Variants in TRPM6 observed in about 807,000 individuals in gnomAD.
TRPM6 encodes channel kinase 2.
Under a neutral mutation model 247.6 loss-of-function variants are expected in TRPM6, and 111 were observed. That is an observed-to-expected ratio of 0.45 (90% CI 0.38 to 0.52). The LOEUF (loss-of-function observed/expected upper bound fraction) is 0.52, where lower values mean the gene tolerates loss of function less well. Ranked by LOEUF, TRPM6 falls within the 20% of genes least tolerant of loss-of-function variation. TRPM6 has a pLI of 0.00. For missense variants in TRPM6, 2,126 were observed against 2,421.5 expected (o/e 0.88, Z 2.56); for synonymous variants, 892 against 853.8 (o/e 1.04, Z -0.78).
chr9:74,812,458 AT>A, intron 11 of TRPM6, 25 bp from the exon 12 acceptor site: 1 of 1,606,576 alleles, frequency 6.2e-7, no homozygotes, highest in Non-Finnish European at 8.5e-7. Flanking sequence ...AATAAGAAAT[AT>A]AAAGACAATT....
At chr9:74,841,012 TTTAAA>T (rs1829920507) in intron 4 of TRPM6, among the ~76,000 whole-genome samples, 1 of 152,174 alleles carries the variant, frequency 6.6e-6, no homozygotes, top group South Asian at 2.1e-4. Context: ...ATTTGCATAA[TTTAAA>T]TTAAGATTCT....
In TRPM6 at chr9:74,800,287, C is replaced by A. The variant is rs2118998970; in HGVS notation, c.2205G>T (p.Gly735=). Residue 735 remains glycine, a synonymous_variant, in exon 17 of 39, where the codon GGG becomes GGT. Transcript: ENST00000360774. Reference sequence around the variant, plus strand: ...AAGAGTTTTTCCTCATTTTCAGCCTCCCCATCCACATGTCTGTCAGTAGCA... The same window carrying A: ...AAGAGTTTTTCCTCATTTTCAGCCTACCCATCCACATGTCTGTCAGTAGCA... ...TQMLLTDMWM[G]RLKMRKNSWL... 6.2e-7 allele frequency: 1 copy of A among 1,614,198 alleles called. No individual in the cohort carries two copies. Among genetic ancestry groups the A allele is most frequent in the East Asian group, 2.2e-5 (1 of 44,888 alleles).
At chr9:74,836,388 A>G (rs1456863480) in intron 5 of TRPM6, among the ~76,000 whole-genome samples, 1 of 152,134 alleles carries the variant, frequency 6.6e-6, no homozygotes, top group Non-Finnish European at 1.5e-5. Context: ...TTAGCAGCTA[A>G]ATCACTTCCT....
Position 74,776,056 on chromosome 9 carries a change from T to C in TRPM6, c.3230A>G (p.Glu1077Gly). ...AFFNNVYLDM[E>G]SISNNLWKYN... ...TTTCCACAGGTTATTTGAAATGGAT[T>C]CCATATCTAAGTAAACGTTGCTGTA... Residue 1077 changes from glutamate to glycine, a missense_variant, in exon 24 of 39, where the codon GAA (glutamate) becomes GGA (glycine). Glu to Gly is a moderately conservative substitution (Grantham distance 98, BLOSUM62 -2). This residue lies in a region of TRPM6 where 1,082 missense variants were observed against 1,307.9 expected (regional missense o/e 0.83). Transcript: ENST00000360774. The C allele has an allele frequency of 6.2e-7, 1 of 1,613,870 alleles. No individual in the cohort carries two copies. The highest frequency in any genetic ancestry group is 8.5e-7 in the Non-Finnish European group (1 of 1,179,868).
At chr9:74,797,756 A>G (rs1437905235) in intron 17 of TRPM6, among the ~76,000 whole-genome samples, 1 of 152,204 alleles carries the variant, frequency 6.6e-6, no homozygotes, top group Non-Finnish European at 1.5e-5. Flanking sequence ...GTAATTATTT[A>G]TCTCTAGGAG....
chr9:74,771,486 T>G (rs1355065115), intron 25 of TRPM6, among the ~76,000 whole-genome samples: 1 of 152,246 alleles, frequency 6.6e-6, no homozygotes, highest in African/African-American at 2.4e-5. Flanking sequence ...TTATGTCTTA[T>G]TAACCACTTA....
At position 74,803,905 on chromosome 9, in the gene TRPM6, A is replaced by G. The variant is rs1157880868; in HGVS notation, c.1639-19T>C. On this transcript the variant is annotated intron_variant, in intron 14 of 38. Coordinates refer to ENST00000360774, the MANE Select transcript of TRPM6 (RefSeq NM_017662.5). Reference sequence around the variant, plus strand: ...TCTGGTGCTGGGAAAGGTTTTGAACAAAGCTGGTCACTCTCTGGCACGTTA... The same window carrying G: ...TCTGGTGCTGGGAAAGGTTTTGAACGAAGCTGGTCACTCTCTGGCACGTTA... The G allele has an allele frequency of 6.7e-7, 1 of 1,490,902 alleles. No homozygotes were observed. Among genetic ancestry groups the G allele is most frequent in the East Asian group, 2.3e-5 (1 of 44,298 alleles). 92.4% of individuals were successfully genotyped at this position (1,490,902 alleles called of 1,614,324 possible).
At chr9:74,795,230 C>A (rs1447779168) in intron 18 of TRPM6, among the ~76,000 whole-genome samples, 1 of 152,142 alleles carries the variant, frequency 6.6e-6, no homozygotes, top group Admixed American at 6.5e-5. Flanking sequence ...CCTGGCCTAC[C>A]CTGCTTCCAG....
At chr9:74,885,121 C>G (rs1017845371) in intron 1 of TRPM6, among the ~76,000 whole-genome samples, 6 of 152,138 alleles carry the variant, frequency 3.9e-5, no homozygotes, top group Non-Finnish European at 7.4e-5. Context: ...GAAAACTTTG[C>G]AAACACAGAG....
chr9:74,866,937 T>C (rs1830863378), intron 1 of TRPM6, among the ~76,000 whole-genome samples: 2 of 152,238 alleles, frequency 1.3e-5, no homozygotes, highest in Admixed American at 1.3e-4. Context: ...AACTGAGACA[T>C]TTAAAAATAT....
At chr9:74,838,862 C>A (rs1212959377) in intron 5 of TRPM6, among the ~76,000 whole-genome samples, 1 of 152,066 alleles carries the variant, frequency 6.6e-6, no homozygotes, top group African/African-American at 2.4e-5. Context: ...GTAATCCCAG[C>A]ACTTTGGGAG....
chr9:74,771,799 T>G lies in TRPM6; in HGVS notation c.3440A>C (p.His1147Pro), dbSNP rs1827052681. The G allele has an allele frequency of 6.2e-7, 1 of 1,613,782 alleles. No homozygotes were observed. Among genetic ancestry groups the G allele is most frequent in the Non-Finnish European group, 8.5e-7 (1 of 1,179,884 alleles). The change falls in exon 25 of 39, where the codon CAT becomes CCT. Residue 1147 changes from histidine to proline, a missense_variant. Physicochemically the swap from His to Pro is moderately conservative, Grantham distance 77. Transcript: ENST00000360774. ...TTCCACGCACTGCTCCTCAAAATCA[T>G]GAAGTTTTTTCAGATCCTCCTTACT... ...YLSKEDLKKL[H>P]DFEEQCVEKY...
intron 14 of TRPM6, among the ~76,000 whole-genome samples, chr9:74,805,443 C>T (rs1437823910): frequency 6.6e-6 from 1 of 152,130 alleles, no homozygotes; most frequent in Admixed American, 6.5e-5. Flanking sequence ...GAAATTACTC[C>T]CTCATTACTG....
intron 1 of TRPM6, among the ~76,000 whole-genome samples, chr9:74,861,488 C>G (rs1179591779): frequency 1.3e-5 from 2 of 152,040 alleles, no homozygotes; most frequent in Non-Finnish European, 2.9e-5. Flanking sequence ...AATGTAGAAG[C>G]CTGTATAGAC....
At chr9:74,873,065 G>C (rs955709146) in intron 1 of TRPM6, among the ~76,000 whole-genome samples, 6 of 152,112 alleles carry the variant, frequency 3.9e-5, no homozygotes, top group South Asian at 4.2e-4. Context: ...GGGTGCTCCA[G>C]CTCCTACCTG....
chr9:74,804,357 G>C (rs1028519708), intron 14 of TRPM6: 1 of 460,944 alleles, frequency 2.2e-6, no homozygotes, highest in African/African-American at 2.0e-5. Context: ...AACTCCAGTG[G>C]CCAGGCCCAA....
chr9:74,800,904 GTTT>G (rs773826827), intron 16 of TRPM6, among the ~76,000 whole-genome samples: 1 of 110,514 alleles, frequency 9.0e-6, no homozygotes. Flanking sequence ...AATAAAGTGT[GTTT>G]TTTTTTTTTT....
In TRPM6 at chr9:74,827,840, C is replaced by A. The variant is rs1829394472; in HGVS notation, c.779G>T (p.Gly260Val). 1 of 1,613,986 alleles carries A rather than the reference C, an allele frequency of 6.2e-7. No homozygotes were observed. The highest frequency in any genetic ancestry group is 8.5e-7 in the Non-Finnish European group (1 of 1,180,026). Residue 260 changes from glycine to valine, a missense_variant, in exon 7 of 39, where the codon GGA becomes GTA. By Grantham distance (109) the Gly-to-Val change is moderately radical. Coordinates refer to ENST00000360774, the MANE Select transcript of TRPM6 (RefSeq NM_017662.5). ...LSDDGTVGKY[G>V]NEMKLRRNLE... Reference sequence around the variant, plus strand: ...GTTCCTTCTGAGCTTCATTTCATTTCCATACTTGCCCACGGTCCCATCATC... The same window carrying A: ...GTTCCTTCTGAGCTTCATTTCATTTACATACTTGCCCACGGTCCCATCATC...
chr9:74,851,761 A>AT (rs1424561584), intron 3 of TRPM6, among the ~76,000 whole-genome samples: 2,820 of 143,156 alleles, frequency 0.02, 71 homozygotes, highest in African/African-American at 0.049. Context: ...AAAAAAAAAA[A>AT]AAATATATAT....
Sources: gnomAD v4.1 joint callset for allele counts (sites outside exome capture counted in the v4.1 genomes callset) on GRCh38, gnomAD v4.1.1 for gene constraint, gnomAD v4.1.1 regional missense constraint, MANE v1.5 for transcripts, NCBI Gene and HGNC (gene_info 2026-07-23, HGNC 2026-07-21) for gene names.